Variants in SGCD observed in about 807,000 individuals in gnomAD.
The protein encoded by SGCD is delta-sarcoglycan.
A neutral mutation model predicts 36.6 loss-of-function variants in SGCD; 18 were observed. That is an observed-to-expected ratio of 0.49 (90% CI 0.34 to 0.73). The LOEUF (loss-of-function observed/expected upper bound fraction) is 0.73. SGCD is among the 30% of genes least tolerant of loss of function. SGCD has a pLI of 0.01. For missense variants in SGCD, 387 were observed against 346.7 expected (o/e 1.12, Z -0.92); for synonymous variants, 133 against 130.6 (o/e 1.02, Z -0.12).
chr5:156,162,141 G>A (rs923700901), intron 3 of SGCD, among the ~76,000 whole-genome samples: 1 of 151,258 alleles, frequency 6.6e-6, no homozygotes, highest in Non-Finnish European at 1.5e-5. Flanking sequence ...GATAAAGAGA[G>A]GTAAGCCAAG....
At chr5:156,423,341 T>G (rs1250217916) in intron 3 of SGCD, among the ~76,000 whole-genome samples, 1 of 14,024 alleles carries the variant, frequency 7.1e-5, no homozygotes, top group African/African-American at 6.0e-4. Flanking sequence ...TATAATATAA[T>G]ATATTATAAT....
intron 1 of SGCD, among the ~76,000 whole-genome samples, chr5:155,962,899 C>A (rs781224058): frequency 1.5e-4 from 23 of 152,180 alleles, no homozygotes; most frequent in Non-Finnish European, 2.8e-4. Context: ...CAATCTATGC[C>A]CTCATTTCGG....
At chr5:156,357,057 T>C (rs1021740127) in intron 3 of SGCD, among the ~76,000 whole-genome samples, 4 of 152,214 alleles carry the variant, frequency 2.6e-5, no homozygotes, top group Admixed American at 6.5e-5. Context: ...TTTGTCATGG[T>C]AGCCACAGGA....
chr5:155,948,919 T>C (rs149393420), intron 1 of SGCD, among the ~76,000 whole-genome samples: 103 of 152,240 alleles, frequency 6.8e-4, no homozygotes, highest in African/African-American at 2.3e-3. Context: ...GAATAAATTA[T>C]CAAAACCGAC....
chr5:156,161,049 C>A (rs1405460829), intron 3 of SGCD, among the ~76,000 whole-genome samples: 6 of 151,818 alleles, frequency 4.0e-5, no homozygotes, highest in Admixed American at 1.3e-4. Context: ...ACTGGATTAC[C>A]CTTATAGCCT....
chr5:155,829,622 T>G, the SGCD span, among the ~76,000 whole-genome samples: 8 of 152,304 alleles, frequency 5.3e-5, no homozygotes, highest in Admixed American at 3.3e-4. Context: ...AGACAACTGG[T>G]TTTTGTAAGA....
chr5:156,049,424 C>T (rs1759859415), intron 1 of SGCD, among the ~76,000 whole-genome samples: 1 of 145,638 alleles, frequency 6.9e-6, no homozygotes, highest in Non-Finnish European at 1.5e-5. Flanking sequence ...GCAGTATGGC[C>T]ATTTTCACCA....
At chr5:156,739,668 G>A (rs771410157) in intron 7 of SGCD, 1 of 152,138 alleles carries the variant, frequency 6.6e-6, no homozygotes, top group Non-Finnish European at 1.5e-5. Flanking sequence ...GGAAGCTGCA[G>A]ATGACATATG....
the SGCD span, among the ~76,000 whole-genome samples, chr5:155,793,546 CTT>C: frequency 7.2e-6 from 1 of 139,564 alleles, no homozygotes; most frequent in African/African-American, 2.6e-5. Flanking sequence ...GTTTTTTTTT[CTT>C]TTTTTTTTTA....
the SGCD span, among the ~76,000 whole-genome samples, chr5:155,863,883 A>G: frequency 6.6e-6 from 1 of 152,210 alleles, no homozygotes; most frequent in Non-Finnish European, 1.5e-5. Context: ...TGCCACGCAC[A>G]TAATAGAAAA....
At chr5:156,391,269 C>T (rs985193300) in intron 3 of SGCD, among the ~76,000 whole-genome samples, 3 of 152,204 alleles carry the variant, frequency 2.0e-5, no homozygotes, top group Non-Finnish European at 4.4e-5. Flanking sequence ...CTATATCATA[C>T]AGCCTGGGTG....
the SGCD span, among the ~76,000 whole-genome samples, chr5:155,802,518 CAT>C: frequency 6.6e-6 from 1 of 152,076 alleles, no homozygotes; most frequent in African/African-American, 2.4e-5. Context: ...AATGAATACA[CAT>C]AGAAAATGAG....
intron 3 of SGCD, among the ~76,000 whole-genome samples, chr5:156,394,176 A>C (rs1410687423): frequency 6.6e-6 from 1 of 152,202 alleles, no homozygotes; most frequent in Non-Finnish European, 1.5e-5. Context: ...GTCTGGATCA[A>C]GGATGGGAAG....
chr5:156,136,647 G>A (rs1429241923), intron 3 of SGCD, among the ~76,000 whole-genome samples: 2 of 152,096 alleles, frequency 1.3e-5, no homozygotes, highest in African/African-American at 2.4e-5. Flanking sequence ...AAAGACAGAC[G>A]AAGATTCCAT....
the SGCD span, among the ~76,000 whole-genome samples, chr5:155,831,754 C>G: frequency 6.7e-4 from 102 of 152,290 alleles, 1 homozygote; most frequent in South Asian, 4.6e-3. Flanking sequence ...CATGATCTCA[C>G]TTAGTAATTG....
chr5:156,304,640 A>G (rs1767154050), intron 3 of SGCD, among the ~76,000 whole-genome samples: 2 of 152,228 alleles, frequency 1.3e-5, no homozygotes, highest in Admixed American at 6.5e-5. Flanking sequence ...AAGATACCCA[A>G]AAATGTGGAA....
chr5:156,095,271 TC>T (rs951282460), intron 1 of SGCD, among the ~76,000 whole-genome samples: 3 of 152,074 alleles, frequency 2.0e-5, no homozygotes, highest in African/African-American at 7.2e-5. Flanking sequence ...AAAAAAGAGG[TC>T]CACGTGCAGG....
intron 1 of SGCD, among the ~76,000 whole-genome samples, chr5:155,981,911 G>T (rs992695769): frequency 1.3e-5 from 2 of 152,110 alleles, no homozygotes; most frequent in African/African-American, 4.8e-5. Flanking sequence ...TCAGGACAAG[G>T]TTTCACATCT....
chr5:156,469,128 C>T (rs907187355), intron 3 of SGCD, among the ~76,000 whole-genome samples: 1 of 152,084 alleles, frequency 6.6e-6, no homozygotes, highest in Admixed American at 6.6e-5. Flanking sequence ...TTGGAATTCC[C>T]CTAGAGACAC....
Sources: allele counts gnomAD v4.1 joint callset (sites outside exome capture counted in the v4.1 genomes callset), GRCh38; gene constraint gnomAD v4.1.1; transcripts MANE v1.5; gene names NCBI Gene and HGNC (gene_info 2026-07-23, HGNC 2026-07-21).